Variants in DIP2C observed in about 807,000 individuals in gnomAD.
The protein encoded by DIP2C is DIP2 acetate--CoA ligase C (putative).
DIP2C carries 33 observed loss-of-function variants against 192.4 expected under a neutral mutation model. The ratio of observed to expected loss-of-function variants is 0.17; its 90% CI spans 0.13 to 0.23. DIP2C has a LOEUF of 0.23. DIP2C is among the 10% of genes least tolerant of loss of function. DIP2C has a pLI of 1.00. For synonymous variants in DIP2C, 979 were observed against 864.1 expected (o/e 1.13, Z -2.33); for missense variants, 1,537 against 2,110.1 (o/e 0.73, Z 5.32).
intron 14 of DIP2C, among the ~76,000 whole-genome samples, chr10:387,127 C>T (rs1167920977): frequency 1.3e-5 from 2 of 152,166 alleles, no homozygotes; most frequent in African/African-American, 4.8e-5. Context: ...GGACAGTAGC[C>T]CACACACGAA....
intron 3 of DIP2C, among the ~76,000 whole-genome samples, chr10:453,055 A>AT (rs1232146110): frequency 2.0e-5 from 3 of 152,252 alleles, no homozygotes; most frequent in African/African-American, 7.2e-5. Context: ...AGAAGAGCTC[A>AT]TAAGATGAAG....
At chr10:676,016 A>T (rs1036767648) in intron 1 of DIP2C, among the ~76,000 whole-genome samples, 3 of 152,240 alleles carry the variant, frequency 2.0e-5, no homozygotes, top group African/African-American at 7.2e-5. Context: ...ATCCTCAACG[A>T]AATACTAACA....
intron 2 of DIP2C, among the ~76,000 whole-genome samples, chr10:479,003 G>A (rs1341512010): frequency 6.6e-6 from 1 of 152,200 alleles, no homozygotes; most frequent in African/African-American, 2.4e-5. Context: ...GGCCTCCACA[G>A]GAGTGTCCTG....
Position 283,553 on chromosome 10 carries a change from C to T in DIP2C, c.4120-107G>A, listed in dbSNP as rs3815985. ...GTACATTATATTCAGTGATAGTAAA[C>T]GTTTCCTTGGACTGAATAACCAAGA... On this transcript the variant is annotated intron_variant, in intron 34 of 36. Transcript: ENST00000280886. 5.8e-6 allele frequency: 8 copies of T among 1,368,210 alleles called. No homozygotes were observed. In the East Asian group the frequency reaches 6.9e-5, roughly 12 times the overall value. The allele number at this position is 1,368,210 out of a possible 1,614,324, so 84.8% of individuals were successfully genotyped here. A position where few individuals can be genotyped will look rare whatever the true frequency, so the allele number is the denominator to read the frequency against.
chr10:393,176 C>T (rs1233367720), intron 10 of DIP2C, among the ~76,000 whole-genome samples: 2 of 152,140 alleles, frequency 1.3e-5, no homozygotes, highest in African/African-American at 4.8e-5. Context: ...AAGAATCCTC[C>T]CAGGATGCAT....
Position 327,168 on chromosome 10 carries a change from C to G in DIP2C, c.3762G>C (p.Gly1254=). The G allele has an allele frequency of 6.2e-7, 1 of 1,613,584 alleles. No individual in the cohort carries two copies. Among genetic ancestry groups the G allele is most frequent in the Non-Finnish European group, 8.5e-7 (1 of 1,179,908 alleles). The change falls in exon 31 of 37, where the codon GGG becomes GGC. Residue 1254 remains glycine, a synonymous_variant. Transcript: ENST00000280886. ...AGGTCCTCACTCGGGACAAGTCCAG[C>G]CCTCGCGCCTGGAGATGATGACAGA... The part of the protein sequence containing the change: ...GSQTESLKAR[G]LDLSRVRTCV...
chr10:276,238 A>G lies in DIP2C; in HGVS notation c.*1087T>C, dbSNP rs577097439. The G allele has an allele frequency of 1.3e-5, 2 of 152,770 alleles. No individual in the cohort carries two copies. Among genetic ancestry groups the G allele is most frequent in the East Asian group, 1.9e-4 (1 of 5,182 alleles). The allele number at this position is 152,770 out of a possible 1,614,324, so 9.5% of individuals were successfully genotyped here. On this transcript the variant is annotated 3_prime_UTR_variant, in exon 37 of 37. Coordinates refer to ENST00000280886, the MANE Select transcript of DIP2C (RefSeq NM_014974.3). Reference sequence around the variant, plus strand: ...GTTGTCCCACAGCAAAGAAAAAAATAGTGCACATTGAGCTTTGAATTCTTT... The same window carrying G: ...GTTGTCCCACAGCAAAGAAAAAAATGGTGCACATTGAGCTTTGAATTCTTT...
chr10:457,027 T>G (rs992868795), intron 3 of DIP2C, among the ~76,000 whole-genome samples: 2 of 152,214 alleles, frequency 1.3e-5, no homozygotes, highest in African/African-American at 4.8e-5. Flanking sequence ...ATTCCTAGAT[T>G]TTCCATCTCT....
At chr10:483,472 A>G (rs545725237) in intron 2 of DIP2C, among the ~76,000 whole-genome samples, 27 of 152,350 alleles carry the variant, frequency 1.8e-4, no homozygotes, top group Admixed American at 1.4e-3. Flanking sequence ...GTCGGCAGGG[A>G]AACAGCCTCG....
At chr10:522,640 C>CT in intron 1 of DIP2C, among the ~76,000 whole-genome samples, 1 of 152,396 alleles carries the variant, frequency 6.6e-6, no homozygotes, top group African/African-American at 2.4e-5. Flanking sequence ...CACGGACCAT[C>CT]TTTCCACATG....
intron 1 of DIP2C, among the ~76,000 whole-genome samples, chr10:676,329 C>CT (rs1830875302): frequency 6.6e-6 from 1 of 152,042 alleles, no homozygotes; most frequent in Admixed American, 6.5e-5. Context: ...AAACACTAAG[C>CT]TTTTTCTCTG....
intron 3 of DIP2C, among the ~76,000 whole-genome samples, chr10:467,196 T>C (rs1256659197): frequency 1.3e-5 from 2 of 152,126 alleles, no homozygotes; most frequent in Admixed American, 1.3e-4. Flanking sequence ...TGGAATACTA[T>C]GCAGCCATAA....
intron 1 of DIP2C, among the ~76,000 whole-genome samples, chr10:602,278 C>CA (rs926098053): frequency 6.6e-6 from 1 of 152,190 alleles, no homozygotes; most frequent in African/African-American, 2.4e-5. Context: ...CACCGAACCC[C>CA]AACTTGCACA....
chr10:596,496 C>CAAAAAAAAA lies in DIP2C; in HGVS notation c.85+92989_85+92997dup, dbSNP rs56298679. ...GGGCGACCAGTGCGAAACTCCATCTCAAAAAAAAAAAAAAAAAAAAAAAAA... is the reference window on the plus strand; with the variant it reads ...GGGCGACCAGTGCGAAACTCCATCTCAAAAAAAAAAAAAAAAAAAAAAAAAAAAAAAAAA... On this transcript the variant is annotated intron_variant, in intron 1 of 36. Coordinates refer to ENST00000280886, the MANE Select transcript of DIP2C (RefSeq NM_014974.3). Among the ~76,000 whole-genome samples the CAAAAAAAAA allele has an allele frequency of 4.7e-4, 25 of 52,932 alleles. 1 individual carries two copies. The highest frequency in any genetic ancestry group is 1.0e-3 in the African/African-American group (14 of 13,546). 34.7% of individuals were successfully genotyped at this position (52,932 alleles called of 152,430 possible).
intron 1 of DIP2C, among the ~76,000 whole-genome samples, chr10:573,735 G>C (rs1221041927): frequency 1.3e-5 from 2 of 151,900 alleles, no homozygotes; most frequent in African/African-American, 2.4e-5. Flanking sequence ...CTTTTTAAGT[G>C]ATTATGTGCT....
At chr10:545,166 C>CCTTTTTTTTTTTTTTTTTTTTTT (rs1554896881) in intron 1 of DIP2C, among the ~76,000 whole-genome samples, 2 of 86,340 alleles carry the variant, frequency 2.3e-5, no homozygotes, top group African/African-American at 1.1e-4. Flanking sequence ...GGTGTTTTCC[C>CCTTTTTTTTTTTTTTTTTTTTTT]TTTTTTTTTT....
chr10:343,484 T>C (rs918094802), intron 28 of DIP2C, among the ~76,000 whole-genome samples: 12 of 152,212 alleles, frequency 7.9e-5, no homozygotes, highest in Non-Finnish European at 1.2e-4. Context: ...CCATCACTAT[T>C]GGAAGTTCTG....
chr10:469,416 A>G (rs370579330), intron 3 of DIP2C, among the ~76,000 whole-genome samples: 23 of 151,328 alleles, frequency 1.5e-4, no homozygotes, highest in African/African-American at 5.1e-4. Context: ...TCCCGGGTTC[A>G]AGAGATTCTC....
intron 10 of DIP2C, 134 bp downstream of exon 10, chr10:398,975 G>A (rs1041751652): frequency 2.0e-5 from 14 of 699,524 alleles, no homozygotes; most frequent in Middle Eastern, 5.1e-4. Context: ...ACTAGCGACC[G>A]CATCCCTTAT....
Sources: allele counts gnomAD v4.1 joint callset (sites outside exome capture counted in the v4.1 genomes callset), GRCh38; gene constraint gnomAD v4.1.1; transcripts MANE v1.5; gene names NCBI Gene and HGNC (gene_info 2026-07-23, HGNC 2026-07-21).